DKK3: variants seen among roughly 807,000 people sequenced by gnomAD.
DKK3 encodes dickkopf-related protein 3.
DKK3 carries 22 observed loss-of-function variants against 33.2 expected under a neutral mutation model. The ratio of observed to expected loss-of-function variants is 0.66; its 90% CI spans 0.47 to 0.95. DKK3 has a LOEUF of 0.95. DKK3 is among the 40% of genes least tolerant of loss of function. The pLI is 0.00. For synonymous variants in DKK3, 194 were observed against 188.8 expected (o/e 1.03, Z -0.23); for missense variants, 398 against 458.4 (o/e 0.87, Z 1.20).
intron 3 of DKK3, among the ~76,000 whole-genome samples, chr11:11,992,726 T>A (rs1037568115): frequency 4.6e-5 from 7 of 152,086 alleles, no homozygotes; most frequent in Non-Finnish European, 5.9e-5. Context: ...CAAACAGCCA[T>A]CCCCCTTGTT....
intron 3 of DKK3, among the ~76,000 whole-genome samples, chr11:11,970,644 T>C (rs902463382): frequency 1.3e-5 from 2 of 152,190 alleles, no homozygotes; most frequent in African/African-American, 4.8e-5. Context: ...CAGGAGCACC[T>C]ACCTGACGGA....
At chr11:11,999,518 G>A (rs1463934510) in intron 2 of DKK3, among the ~76,000 whole-genome samples, 1 of 152,188 alleles carries the variant, frequency 6.6e-6, no homozygotes, top group Non-Finnish European at 1.5e-5. Context: ...CCAGCTACTC[G>A]GGAGGCTGAG....
At chr11:11,968,350 C>G (rs780404875) in intron 4 of DKK3, 45 bp downstream of exon 4, 2 of 1,566,480 alleles carry the variant, frequency 1.3e-6, no homozygotes, top group African/African-American at 2.7e-5. Context: ...CCCCCAGGTG[C>G]CTGAGACCCT....
intron 3 of DKK3, among the ~76,000 whole-genome samples, chr11:11,972,113 T>C (rs867108047): frequency 2.6e-5 from 4 of 152,226 alleles, no homozygotes; most frequent in African/African-American, 7.2e-5. Flanking sequence ...TTTTGCCACT[T>C]AACAGCTGTG....
At chr11:12,002,266 C>G (rs1215296309) in intron 2 of DKK3, 34 bp downstream of exon 2, 1 of 1,604,908 alleles carries the variant, frequency 6.2e-7, no homozygotes, top group Admixed American at 1.7e-5. Flanking sequence ...GGACTGGACG[C>G]TATAGAAAGG....
chr11:12,003,386 T>C (rs1331935372), intron 1 of DKK3, among the ~76,000 whole-genome samples: 3 of 152,196 alleles, frequency 2.0e-5, no homozygotes, highest in Non-Finnish European at 4.4e-5. Context: ...ACACCCCTTC[T>C]GGTTTTCTTA....
intron 3 of DKK3, among the ~76,000 whole-genome samples, chr11:11,995,451 G>A (rs1848272327): frequency 6.6e-6 from 1 of 152,086 alleles, no homozygotes; most frequent in Non-Finnish European, 1.5e-5. Flanking sequence ...TTCAAACTAG[G>A]TGTGTTCACC....
intron 3 of DKK3, among the ~76,000 whole-genome samples, chr11:11,995,677 A>G (rs929312710): frequency 2.0e-5 from 3 of 152,230 alleles, no homozygotes; most frequent in African/African-American, 7.2e-5. Flanking sequence ...TGGCTTGCCC[A>G]TGCTCTAGCT....
chr11:12,006,541 G>A (rs1261362046), intron 1 of DKK3, among the ~76,000 whole-genome samples: 2 of 152,198 alleles, frequency 1.3e-5, no homozygotes, highest in African/African-American at 4.8e-5. Flanking sequence ...CTCTGGGAAA[G>A]AGTGGGGTAG....
At chr11:12,008,980 C>G (rs1848603586), upstream of DKK3, 1 of 1,001,932 alleles carries the variant, frequency 1.0e-6, no homozygotes, top group African/African-American at 1.7e-5. The surrounding 1 kb of genome is among the most constrained non-coding windows in gnomAD (Gnocchi z 4.6). Flanking sequence ...CTAGCCCCTC[C>G]TCGACCAGGT....
At chr11:11,992,103 A>T (rs1848200243) in intron 3 of DKK3, among the ~76,000 whole-genome samples, 1 of 152,224 alleles carries the variant, frequency 6.6e-6, no homozygotes, top group African/African-American at 2.4e-5. Flanking sequence ...ATTAATACTG[A>T]TAATTTTGAT....
At chr11:11,997,134 A>C (rs1287371446) in intron 3 of DKK3, among the ~76,000 whole-genome samples, 1 of 152,242 alleles carries the variant, frequency 6.6e-6, no homozygotes, top group Non-Finnish European at 1.5e-5. Flanking sequence ...AGCCTCATGT[A>C]TCCTGGTCCT....
intron 3 of DKK3, among the ~76,000 whole-genome samples, chr11:11,985,006 A>G (rs1297205659): frequency 2.0e-5 from 3 of 152,188 alleles, no homozygotes; most frequent in Non-Finnish European, 4.4e-5. Context: ...AGTGGTGGAA[A>G]AACATATGCT....
intron 2 of DKK3, among the ~76,000 whole-genome samples, chr11:12,001,278 C>A (rs1483856786): frequency 6.6e-6 from 1 of 152,188 alleles, no homozygotes; most frequent in East Asian, 1.9e-4. Context: ...TTACCTGGAG[C>A]TCATACACTC....
chr11:12,002,500 AG>A (rs1848451966), intron 1 of DKK3, 63 bp from the exon 2 acceptor site: 12 of 1,549,156 alleles, frequency 7.7e-6, no homozygotes, highest in Non-Finnish European at 9.6e-6. Flanking sequence ...GGAGTCTATT[AG>A]AAAAAAAAAA....
At position 11,964,491 on chromosome 11, in the gene DKK3, A is replaced by G. The variant is rs781567445; in HGVS notation, c.1026T>C (p.Ala342=). 3.7e-6 allele frequency: 6 copies of G among 1,612,682 alleles called. No individual in the cohort carries two copies. The highest frequency in any genetic ancestry group is 5.1e-6 in the Non-Finnish European group (6 of 1,179,932). The change falls in exon 7 of 7, where the codon GCT becomes GCC. Residue 342 remains alanine (A), a synonymous_variant. Coordinates refer to ENST00000683431, the MANE Select transcript of DKK3 (RefSeq NM_001018057.2). ...AAATCTCTTCCCCTCCCAGCAGTGCAGCGGCGGCAGCCGCAGGCTCCCTCA... is the reference window on the plus strand; with the variant it reads ...AAATCTCTTCCCCTCCCAGCAGTGCGGCGGCGGCAGCCGCAGGCTCCCTCA... ...MALREPAAAA[A]ALLGGEEI
At chr11:11,971,301 T>G (rs764092306) in intron 3 of DKK3, among the ~76,000 whole-genome samples, 2 of 152,256 alleles carry the variant, frequency 1.3e-5, no homozygotes, top group African/African-American at 2.4e-5. Context: ...AGAATGCAGT[T>G]GTTCTTTGCA....
At chr11:11,985,538 C>G (rs977905839) in intron 3 of DKK3, among the ~76,000 whole-genome samples, 2 of 152,212 alleles carry the variant, frequency 1.3e-5, no homozygotes, top group East Asian at 3.8e-4. Flanking sequence ...GACCTTCCCA[C>G]CATCTGATCA....
intron 3 of DKK3, among the ~76,000 whole-genome samples, chr11:11,969,545 A>G (rs1847679356): frequency 6.6e-6 from 1 of 152,156 alleles, no homozygotes; most frequent in South Asian, 2.1e-4. Context: ...AAGGGGGTTC[A>G]GGGCTCCACA....
Sources: gnomAD v4.1 joint callset for allele counts (sites outside exome capture counted in the v4.1 genomes callset) on GRCh38, gnomAD v4.1.1 for gene constraint, Gnocchi (gnomAD v3.1) non-coding constraint, MANE v1.5 for transcripts, NCBI Gene and HGNC (gene_info 2026-07-23, HGNC 2026-07-21) for gene names.